Variants in CPNE4 observed in about 807,000 individuals in gnomAD.
CPNE4 encodes copine-4.
A neutral mutation model predicts 67.9 loss-of-function variants in CPNE4; 25 were observed. The observed-to-expected ratio is 0.37, with a 90% CI of 0.27 to 0.51. The LOEUF is 0.51. Ranked by LOEUF, CPNE4 falls within the 20% of genes least tolerant of loss-of-function variation. The probability of loss-of-function intolerance (pLI) is 0.93; values close to 1 mark genes in which losing one functional copy is unlikely to be tolerated. For synonymous variants in CPNE4, 242 were observed against 244.9 expected (o/e 0.99, Z 0.11); for missense variants, 464 against 690.8 (o/e 0.67, Z 3.68).
chr3:131,826,076 G>A (rs1456237694), intron 2 of CPNE4, among the ~76,000 whole-genome samples: 1 of 152,132 alleles, frequency 6.6e-6, no homozygotes, highest in East Asian at 1.9e-4. Context: ...CATAAACATT[G>A]TCTTCCTTCA....
At chr3:131,974,964 C>A (rs1377028835) in intron 1 of CPNE4, among the ~76,000 whole-genome samples, 1 of 152,210 alleles carries the variant, frequency 6.6e-6, no homozygotes, top group East Asian at 1.9e-4. Context: ...GCGGAGATTG[C>A]ACCCCTGCAC....
chr3:131,971,895 T>G (rs1200490842), intron 1 of CPNE4, among the ~76,000 whole-genome samples: 1 of 152,198 alleles, frequency 6.6e-6, no homozygotes, highest in Non-Finnish European at 1.5e-5. Flanking sequence ...CCCTCTCCCC[T>G]TGTTCCTTCA....
chr3:131,819,297 A>G (rs2084865061), intron 2 of CPNE4, among the ~76,000 whole-genome samples: 1 of 152,212 alleles, frequency 6.6e-6, no homozygotes, highest in African/African-American at 2.4e-5. Context: ...AAAAGAGGCC[A>G]CCATTAGCAT....
chr3:131,567,314 G>A (rs552130396), intron 10 of CPNE4, among the ~76,000 whole-genome samples: 1 of 152,126 alleles, frequency 6.6e-6, no homozygotes, highest in South Asian at 2.1e-4. Context: ...ATCTGAGCCA[G>A]AGTATATCAC....
intron 2 of CPNE4, among the ~76,000 whole-genome samples, chr3:131,896,203 A>G (rs1490692629): frequency 1.3e-5 from 2 of 152,092 alleles, no homozygotes; most frequent in Non-Finnish European, 2.9e-5. Context: ...GAAATATTAT[A>G]CAATCATTTA....
chr3:131,885,832 T>C lies in CPNE4; in HGVS notation c.180+19432A>G, dbSNP rs147640342. On this transcript the variant is annotated intron_variant, in intron 2 of 15. Coordinates refer to ENST00000429747, the MANE Select transcript of CPNE4 (RefSeq NM_130808.3). The stretch of plus-strand genomic sequence containing the variant: ...TGCGATAGTTTACTGAGAATGATGA[T>C]TTCCAATTTCATTTCTAAGCAGCAA... 8.4e-3 allele frequency among the ~76,000 whole-genome samples: 1,286 copies of C among 152,312 alleles called. 14 individuals carry two copies. Among genetic ancestry groups the C allele is most frequent in the African/African-American group, 0.029 (1,192 of 41,564 alleles).
intron 1 of CPNE4, among the ~76,000 whole-genome samples, chr3:131,946,111 A>G (rs921783469): frequency 1.3e-5 from 2 of 152,184 alleles, no homozygotes; most frequent in African/African-American, 2.4e-5. Context: ...TACCACCTCT[A>G]TCTAGTTCCA....
intron 2 of CPNE4, among the ~76,000 whole-genome samples, chr3:131,816,545 C>T (rs1284047356): frequency 2.0e-5 from 3 of 152,116 alleles, no homozygotes; most frequent in Non-Finnish European, 2.9e-5. Context: ...TTCGAATCCC[C>T]ACCACTTTTA....
chr3:131,757,856 T>C (rs1250405609), intron 2 of CPNE4, among the ~76,000 whole-genome samples: 1 of 152,198 alleles, frequency 6.6e-6, no homozygotes, highest in African/African-American at 2.4e-5. Context: ...GGGGACAACA[T>C]ACAGCTTGGG....
chr3:131,907,208 G>A (rs144781784), intron 1 of CPNE4, among the ~76,000 whole-genome samples: 16 of 152,224 alleles, frequency 1.1e-4, no homozygotes, highest in South Asian at 2.1e-4. Context: ...ACGACTGAAC[G>A]TATAAGATTC....
chr3:131,891,301 G>T (rs1251508318), intron 2 of CPNE4, among the ~76,000 whole-genome samples: 1 of 151,818 alleles, frequency 6.6e-6, no homozygotes, highest in Non-Finnish European at 1.5e-5. Context: ...TAAAATTTAG[G>T]TATGTGGGTT....
chr3:131,950,329 C>A (rs564227724), intron 1 of CPNE4, among the ~76,000 whole-genome samples: 1 of 152,352 alleles, frequency 6.6e-6, no homozygotes, highest in African/African-American at 2.4e-5. Flanking sequence ...ACCCACATCA[C>A]AGCCTTCTTG....
At chr3:131,936,363 T>C (rs1211543439) in intron 1 of CPNE4, among the ~76,000 whole-genome samples, 2 of 151,860 alleles carry the variant, frequency 1.3e-5, no homozygotes, top group African/African-American at 4.8e-5. Flanking sequence ...TTTTTTGCAA[T>C]GGATGGGGGT....
chr3:132,011,232 C>A (rs1309076954), intron 1 of CPNE4, among the ~76,000 whole-genome samples: 1 of 152,148 alleles, frequency 6.6e-6, no homozygotes, highest in Non-Finnish European at 1.5e-5. Flanking sequence ...ATCCCTTGTG[C>A]TTTAGAAAGG....
chr3:131,938,820 T>C (rs1440984597), intron 1 of CPNE4, among the ~76,000 whole-genome samples: 1 of 151,966 alleles, frequency 6.6e-6, no homozygotes, highest in Non-Finnish European at 1.5e-5. Flanking sequence ...CCAAACCATA[T>C]AAAATGGATC....
intron 1 of CPNE4, among the ~76,000 whole-genome samples, chr3:132,019,800 C>G (rs965107866): frequency 2.6e-5 from 4 of 152,046 alleles, no homozygotes; most frequent in Non-Finnish European, 5.9e-5. Flanking sequence ...CTGTCAGAAA[C>G]AAAAAGTCTA....
chr3:132,038,358 A>G (rs1432449872), upstream of CPNE4, among the ~76,000 whole-genome samples: 1 of 151,646 alleles, frequency 6.6e-6, no homozygotes, highest in Non-Finnish European at 1.5e-5. Context: ...TGAGAACCCT[A>G]TACCACCTGT....
chr3:131,912,727 TAA>T (rs796619778), intron 1 of CPNE4, among the ~76,000 whole-genome samples: 3 of 152,226 alleles, frequency 2.0e-5, no homozygotes, highest in African/African-American at 7.2e-5. Context: ...GATGGAGGCA[TAA>T]ATGAGATAGT....
In CPNE4 at chr3:131,919,140, A is replaced by C. The variant is rs571001516; in HGVS notation, c.-1-13696T>G. Among the ~76,000 whole-genome samples the C allele has an allele frequency of 2.6e-5, 4 of 152,148 alleles. No individual in the cohort carries two copies. In the East Asian group the frequency reaches 7.7e-4, roughly 29 times the overall value. Reference sequence around the variant, plus strand: ...TTCAGCAACTTAAGTCAGGTATATCAAGGTGACCTTCAGATAGTCAACTGA... The same window carrying C: ...TTCAGCAACTTAAGTCAGGTATATCCAGGTGACCTTCAGATAGTCAACTGA... On this transcript the variant is annotated intron_variant, in intron 1 of 15. Transcript: ENST00000429747.
Sources: gnomAD v4.1 joint callset for allele counts (sites outside exome capture counted in the v4.1 genomes callset) on GRCh38, gnomAD v4.1.1 for gene constraint, MANE v1.5 for transcripts, NCBI Gene and HGNC (gene_info 2026-07-23, HGNC 2026-07-21) for gene names.